The following RPAP3 variants were observed in gnomAD, a reference collection of about 807,000 sequenced individuals.
The protein encoded by RPAP3 is RNA polymerase II-associated protein 3.
A neutral mutation model predicts 88.8 loss-of-function variants in RPAP3; 58 were observed. That is an observed-to-expected ratio of 0.65 (90% CI 0.53 to 0.81). The LOEUF (loss-of-function observed/expected upper bound fraction) is 0.81. RPAP3 is among the 40% of genes least tolerant of loss of function. The pLI is 0.00. For missense variants in RPAP3, 751 were observed against 764.3 expected (o/e 0.98, Z 0.20); for synonymous variants, 255 against 259.9 (o/e 0.98, Z 0.18).
chr12:47,675,366 CATA>C (rs1227880552), intron 12 of RPAP3, among the ~76,000 whole-genome samples: 1 of 152,176 alleles, frequency 6.6e-6, no homozygotes, highest in African/African-American at 2.4e-5. Flanking sequence ...CAGCGAACAT[CATA>C]ATGACAGGAT....
At chr12:47,664,963 A>C (rs1938839740) in intron 16 of RPAP3, 3 of 152,252 alleles carry the variant, frequency 2.0e-5, no homozygotes. Context: ...GTGAAGAAAG[A>C]CATCTTTGAA....
At chr12:47,699,477 T>C (rs12814887) in intron 3 of RPAP3, 1 of 152,246 alleles carries the variant, frequency 6.6e-6, no homozygotes. Context: ...ACCTCTCTTA[T>C]ATTGGGACAA....
At chr12:47,672,771 T>C (rs891773115) in intron 12 of RPAP3, among the ~76,000 whole-genome samples, 3 of 152,218 alleles carry the variant, frequency 2.0e-5, no homozygotes, top group Admixed American at 6.5e-5. Flanking sequence ...TGTTTTGTTT[T>C]GTCATATTGC....
chr12:47,696,197 T>G, intron 5 of RPAP3, 79 bp downstream of exon 5: 2 of 1,234,978 alleles, frequency 1.6e-6, no homozygotes, highest in Non-Finnish European at 2.1e-6. Context: ...CCTCCACACT[T>G]TATTCCACAC....
Position 47,662,376 on chromosome 12 carries a change from C to T in RPAP3, c.*1129G>A, listed in dbSNP as rs759103086. 1 of 152,146 alleles carries T rather than the reference C, an allele frequency of 6.6e-6. No individual in the cohort carries two copies. Among genetic ancestry groups the T allele is most frequent in the Non-Finnish European group, 1.5e-5 (1 of 68,036 alleles). The allele number at this position is 152,146 out of a possible 1,614,324, so 9.4% of individuals were successfully genotyped here. ...TACAAACATATCTCAATAATTTATA[C>T]CACAATCTGAAGAAATTATCTTTGT... On this transcript the variant is annotated 3_prime_UTR_variant, in exon 17 of 17. Transcript: ENST00000005386.
At position 47,702,698 on chromosome 12, in the gene RPAP3, A is replaced by C. The variant is rs544943912; in HGVS notation, c.143T>G (p.Val48Gly). The C allele has an allele frequency of 6.3e-7, 1 of 1,587,114 alleles. No individual in the cohort carries two copies. The highest frequency in any genetic ancestry group is 1.2e-5 in the South Asian group (1 of 84,762). Reference sequence around the variant, plus strand: ...GAATTCTTAATTTACCTCTTCAGGAACACCATTCTGTCTTCTTAGTTCCAT... The same window carrying C: ...GAATTCTTAATTTACCTCTTCAGGACCACCATTCTGTCTTCTTAGTTCCAT... ...KDMELRRQNGVPEENLPPIRN... is the reference protein window; with the variant it reads ...KDMELRRQNGGPEENLPPIRN... Residue 48 changes from valine (V) to glycine (G), a missense_variant, in exon 2 of 17, where the codon GTT (valine) becomes GGT (glycine). Physicochemically the swap from Val to Gly is moderately radical, Grantham distance 109. Transcript: ENST00000005386.
intron 13 of RPAP3, among the ~76,000 whole-genome samples, chr12:47,669,419 C>T (rs1938950306): frequency 6.6e-6 from 1 of 152,006 alleles, no homozygotes; most frequent in Non-Finnish European, 1.5e-5. Context: ...TTTAGCCTTT[C>T]AAAGATCTAA....
chr12:47,678,715 G>A (rs1369415544), intron 12 of RPAP3, among the ~76,000 whole-genome samples: 3 of 152,196 alleles, frequency 2.0e-5, no homozygotes, highest in Non-Finnish European at 4.4e-5. Context: ...TCTCATGCCA[G>A]TTAGAATGGC....
At chr12:47,683,789 C>T (rs1357633267) in intron 9 of RPAP3, among the ~76,000 whole-genome samples, 1 of 152,172 alleles carries the variant, frequency 6.6e-6, no homozygotes, top group Non-Finnish European at 1.5e-5. Context: ...GCCCTGATTC[C>T]TTCTGATTTT....
At chr12:47,666,707 G>C (rs913667357) in intron 16 of RPAP3, among the ~76,000 whole-genome samples, 4 of 152,152 alleles carry the variant, frequency 2.6e-5, no homozygotes, top group Non-Finnish European at 5.9e-5. Flanking sequence ...AAGTTTCTTA[G>C]CCTCTCTATA....
intron 12 of RPAP3, 22 bp from the exon 13 acceptor site, chr12:47,670,367 C>T: frequency 7.3e-7 from 1 of 1,377,762 alleles, no homozygotes; most frequent in Non-Finnish European, 1.0e-6. Flanking sequence ...AAAATCAATT[C>T]CTTAAATCAA....
chr12:47,676,319 A>C (rs1939114758), intron 12 of RPAP3, among the ~76,000 whole-genome samples: 1 of 152,208 alleles, frequency 6.6e-6, no homozygotes, highest in Non-Finnish European at 1.5e-5. Flanking sequence ...TGACACCCTA[A>C]CATCACAATT....
At chr12:47,701,149 C>T (rs1285480723) in intron 3 of RPAP3, 1 of 179,646 alleles carries the variant, frequency 5.6e-6, no homozygotes, top group Non-Finnish European at 1.2e-5. Context: ...GATGTAACCA[C>T]CAGAGGAAAC....
chr12:47,690,048 A>C lies in RPAP3; in HGVS notation c.667+470T>G, dbSNP rs541915153. Among the ~76,000 whole-genome samples, 595 of 151,534 alleles carry C rather than the reference A, an allele frequency of 3.9e-3. 4 individuals carry two copies. The highest frequency in any genetic ancestry group is 0.013 in the African/African-American group (542 of 41,440). On this transcript the variant is annotated intron_variant, in intron 6 of 16. Coordinates refer to ENST00000005386, the MANE Select transcript of RPAP3 (RefSeq NM_024604.3). Reference sequence around the variant, plus strand: ...AAAAGCAAGACTCTGTCTCAAAAAAAAAAAAAAGAAAAAAAAAAACCTAAG... The same window carrying C: ...AAAAGCAAGACTCTGTCTCAAAAAACAAAAAAAGAAAAAAAAAAACCTAAG...
chr12:47,703,683 T>C (rs1397980053), intron 1 of RPAP3, among the ~76,000 whole-genome samples: 1 of 151,090 alleles, frequency 6.6e-6, no homozygotes, highest in African/African-American at 2.4e-5. Context: ...CAGGGAGGAG[T>C]GGGCAGGCAG....
At position 47,702,675 on chromosome 12, in the gene RPAP3, A is replaced by G; in HGVS notation, c.153+13T>C. 6.5e-7 allele frequency: 1 copy of G among 1,530,900 alleles called. No homozygotes were observed. The highest frequency in any genetic ancestry group is 1.4e-5 in the African/African-American group (1 of 71,332). The allele number at this position is 1,530,900 out of a possible 1,614,324, so 94.8% of individuals were successfully genotyped here. A position where few individuals can be genotyped will look rare whatever the true frequency, so the allele number is the denominator to read the frequency against. On this transcript the variant is annotated intron_variant, in intron 2 of 16. Coordinates refer to ENST00000005386, the MANE Select transcript of RPAP3 (RefSeq NM_024604.3). ...TAGTTTTGGTGGATCTTAATTACGA[A>G]TTCTTAATTTACCTCTTCAGGAACA...
rs1007793013 is a variant in RPAP3 at position 47,702,858 on chromosome 12, T to C, written c.-6-12A>G. ...GAAGTCATTATGGTCTGCAGAGTTT[T>C]GAACAACCAACCTCTGATAAGAATA... On this transcript the variant is annotated splice_polypyrimidine_tract_variant and intron_variant, in intron 1 of 16. Transcript: ENST00000005386. 1.2e-6 allele frequency: 2 copies of C among 1,604,540 alleles called. No homozygotes were observed. Among genetic ancestry groups the C allele is most frequent in the Non-Finnish European group, 1.7e-6 (2 of 1,176,462 alleles).
chr12:47,675,464 G>C (rs1208418702), intron 12 of RPAP3, among the ~76,000 whole-genome samples: 1 of 152,070 alleles, frequency 6.6e-6, no homozygotes, highest in African/African-American at 2.4e-5. Flanking sequence ...ATTGGATAGA[G>C]TAAAGACCCA....
chr12:47,672,625 C>T (rs940472831), intron 12 of RPAP3, among the ~76,000 whole-genome samples: 22 of 137,954 alleles, frequency 1.6e-4, no homozygotes, highest in Non-Finnish European at 2.4e-4. Context: ...AAAATAATGC[C>T]GACATTTTTT....
Sources: allele counts gnomAD v4.1 joint callset (sites outside exome capture counted in the v4.1 genomes callset), GRCh38; gene constraint gnomAD v4.1.1; transcripts MANE v1.5; gene names NCBI Gene and HGNC (gene_info 2026-07-23, HGNC 2026-07-21).